ZFYVE21: variants seen among roughly 807,000 people sequenced by gnomAD.
ZFYVE21 encodes zinc finger FYVE domain-containing protein 21.
A neutral mutation model predicts 29.5 loss-of-function variants in ZFYVE21; 21 were observed. The observed-to-expected ratio is 0.71, with a 90% CI of 0.50 to 1.02. The LOEUF (loss-of-function observed/expected upper bound fraction) is 1.02. ZFYVE21 is among the 50% of genes least tolerant of loss of function. The probability of loss-of-function intolerance (pLI) is 0.00; values close to 1 mark genes in which losing one functional copy is unlikely to be tolerated. For synonymous variants in ZFYVE21, 151 were observed against 133.8 expected (o/e 1.13, Z -0.89); for missense variants, 326 against 335.4 (o/e 0.97, Z 0.22).
Position 103,733,113 on chromosome 14 carries a change from C to G in ZFYVE21, c.*95C>G. Reference sequence around the variant, plus strand: ...CTCCTTGCGTACCACAGGGATTAATCCTGCTTGTGCTGGGAAATGCAACTC... The same window carrying G: ...CTCCTTGCGTACCACAGGGATTAATGCTGCTTGTGCTGGGAAATGCAACTC... On this transcript the variant is annotated 3_prime_UTR_variant, in exon 7 of 7. Transcript: ENST00000311141. The G allele has an allele frequency of 6.5e-7, 1 of 1,530,178 alleles. No homozygotes were observed. Among genetic ancestry groups the G allele is most frequent in the Non-Finnish European group, 9.0e-7 (1 of 1,109,616 alleles). 94.8% of individuals were successfully genotyped at this position (1,530,178 alleles called of 1,614,324 possible).
chr14:103,715,823 G>C lies in ZFYVE21; in HGVS notation c.-19G>C. ...GGGGCCGGGTGCGGGGCCGCTGGCC[G>C]AGAGGCTGAGGCGGCGTCATGTCCT... is the stretch of plus-strand genomic sequence containing the variant. On this transcript the variant is annotated 5_prime_UTR_variant, in exon 1 of 7. Coordinates refer to ENST00000311141, the MANE Select transcript of ZFYVE21 (RefSeq NM_024071.4). 7.3e-7 allele frequency: 1 copy of C among 1,367,952 alleles called. No homozygotes were observed. 84.7% of individuals were successfully genotyped at this position (1,367,952 alleles called of 1,614,324 possible).
At chr14:103,726,666 T>A (rs1275915397) in intron 1 of ZFYVE21, 126 bp from the exon 2 acceptor site, 3 of 1,208,218 alleles carry the variant, frequency 2.5e-6, no homozygotes, top group Non-Finnish European at 3.6e-6. Flanking sequence ...CAACCCTGCC[T>A]GCCTCAGGCT....
chr14:103,725,747 G>C (rs900732193), intron 1 of ZFYVE21: 5 of 152,288 alleles, frequency 3.3e-5, no homozygotes, highest in Admixed American at 1.3e-4. Flanking sequence ...GTCAAGTGAA[G>C]CAGTGGAAAT....
In ZFYVE21 at chr14:103,733,583, T is replaced by C. The variant is rs560054899; in HGVS notation, c.*565T>C. ...CGTGGGGGCTTTGTGTTTTGTACTT[T>C]TCACTCACTATTTCACTTTATTAAG... is the stretch of plus-strand genomic sequence containing the variant. On this transcript the variant is annotated 3_prime_UTR_variant, in exon 7 of 7. Transcript: ENST00000311141. The C allele has an allele frequency of 6.5e-6, 1 of 153,382 alleles. No individual in the cohort carries two copies. Among genetic ancestry groups the C allele is most frequent in the Admixed American group, 6.5e-5 (1 of 15,400 alleles). 9.5% of individuals were successfully genotyped at this position (153,382 alleles called of 1,614,324 possible).
At position 103,732,631 on chromosome 14, in the gene ZFYVE21, C is replaced by CG. The variant is rs2083993583; in HGVS notation, c.541dup (p.Ala181GlyfsTer50). 6.3e-7 allele frequency: 1 copy of CG among 1,576,338 alleles called. No homozygotes were observed. The highest frequency in any genetic ancestry group is 1.4e-5 in the African/African-American group (1 of 73,008). On this transcript the variant is annotated frameshift_variant, in exon 6 of 7. Transcript: ENST00000311141. LOFTEE classifies it high-confidence loss of function. ...TCTCTCTCCTCCAGGAGGCAACGCACGGGCCACAGGCATGTTCCTGCAGTA... is the reference window on the plus strand; with the variant it reads ...TCTCTCTCCTCCAGGAGGCAACGCACGGGGCCACAGGCATGTTCCTGCAGTA...
intron 2 of ZFYVE21, 111 bp downstream of exon 2, chr14:103,726,953 T>TTTTTTTGTTTG (rs2083932120): frequency 8.1e-7 from 1 of 1,228,080 alleles, no homozygotes; most frequent in South Asian, 1.3e-5. Flanking sequence ...GGCTCGTTTT[T>TTTTTTTGTTTG]TTTTTTTTTG....
intron 2 of ZFYVE21, chr14:103,727,542 A>G (rs2151952408): frequency 1.4e-6 from 1 of 715,660 alleles, no homozygotes; most frequent in South Asian, 1.5e-5. Flanking sequence ...TTTTGAAAAA[A>G]GGGCCTCATT....
At chr14:103,728,849 G>T in intron 3 of ZFYVE21, 59 bp from the exon 4 acceptor site, 1 of 1,557,374 alleles carries the variant, frequency 6.4e-7, no homozygotes, top group South Asian at 1.1e-5. Context: ...GTACTCGTGG[G>T]AAGGGTTAGG....
chr14:103,733,283 G>GCTAAA lies in ZFYVE21; in HGVS notation c.*269_*273dup. 4.4e-6 allele frequency: 2 copies of GCTAAA among 458,820 alleles called. No individual in the cohort carries two copies. Among genetic ancestry groups the GCTAAA allele is most frequent in the East Asian group, 3.8e-5 (1 of 26,056 alleles). The allele number at this position is 458,820 out of a possible 1,614,324, so 28.4% of individuals were successfully genotyped here. On this transcript the variant is annotated 3_prime_UTR_variant, in exon 7 of 7. Coordinates refer to ENST00000311141, the MANE Select transcript of ZFYVE21 (RefSeq NM_024071.4). ...GTGGGAGAGACTGAGCTACACTACT[G>GCTAAA]CTAAACTATTTTTAGCATAATATAT...
chr14:103,728,008 T>C (rs923469684), intron 3 of ZFYVE21, 94 bp downstream of exon 3: 18 of 1,298,702 alleles, frequency 1.4e-5, no homozygotes, highest in African/African-American at 3.0e-5. Context: ...GGCGTTCTGC[T>C]TCTCTGACGT....
intron 1 of ZFYVE21, among the ~76,000 whole-genome samples, chr14:103,721,613 T>C (rs1028768400): frequency 6.6e-6 from 1 of 152,222 alleles, no homozygotes; most frequent in Non-Finnish European, 1.5e-5. Context: ...CGGGTTTATC[T>C]GCTTGGCTTG....
At chr14:103,728,525 G>A (rs904395333) in intron 3 of ZFYVE21, among the ~76,000 whole-genome samples, 24 of 152,202 alleles carry the variant, frequency 1.6e-4, no homozygotes, top group African/African-American at 5.6e-4. Context: ...CTGGCTGGAC[G>A]GTGGGCTTTG....
intron 1 of ZFYVE21, chr14:103,725,298 C>G (rs906220120): frequency 2.6e-5 from 4 of 152,362 alleles, no homozygotes; most frequent in Middle Eastern, 3.2e-3. Context: ...ACGGTGACTT[C>G]GTCCCTTGGT....
chr14:103,728,217 G>A (rs1243773698), intron 3 of ZFYVE21: 2 of 322,180 alleles, frequency 6.2e-6, no homozygotes, highest in Non-Finnish European at 1.2e-5. Context: ...CGGCGCCGGC[G>A]CTCGGGCGTT....
Position 103,716,001 on chromosome 14 carries a change from C to T in ZFYVE21, c.138+22C>T. 8.2e-7 allele frequency: 1 copy of T among 1,226,390 alleles called. No homozygotes were observed. The highest frequency in any genetic ancestry group is 4.2e-5 in the Admixed American group (1 of 23,896). 76.0% of individuals were successfully genotyped at this position (1,226,390 alleles called of 1,614,324 possible). A position where few individuals can be genotyped will look rare whatever the true frequency, so the allele number is the denominator to read the frequency against. ...GGAGGTGGGTGGCCGTCGCCCCGGC[C>T]AGCGCCTCCGACCCGCCCCGCCGCC... On this transcript the variant is annotated intron_variant, in intron 1 of 6. Coordinates refer to ENST00000311141, the MANE Select transcript of ZFYVE21 (RefSeq NM_024071.4). The surrounding 1 kb of genome is among the most constrained non-coding windows in gnomAD (Gnocchi z 4.8).
intron 1 of ZFYVE21, among the ~76,000 whole-genome samples, chr14:103,721,971 G>C (rs1209397532): frequency 6.6e-6 from 1 of 152,196 alleles, no homozygotes; most frequent in East Asian, 1.9e-4. Context: ...AATCACACTT[G>C]GTTTCTGGGC....
chr14:103,727,924 G>T lies in ZFYVE21; in HGVS notation c.358+10G>T. On this transcript the variant is annotated intron_variant, in intron 3 of 6. Transcript: ENST00000311141. Reference sequence around the variant, plus strand: ...AAAGTGCTCCTGAGCGGTAAGGACGGGTGTCCTGCACAGTCCCGCGCGCTC... The same window carrying T: ...AAAGTGCTCCTGAGCGGTAAGGACGTGTGTCCTGCACAGTCCCGCGCGCTC... The T allele has an allele frequency of 1.2e-6, 2 of 1,609,004 alleles. No homozygotes were observed. Among genetic ancestry groups the T allele is most frequent in the Non-Finnish European group, 1.7e-6 (2 of 1,177,076 alleles).
At chr14:103,723,776 A>C (rs2083893929) in intron 1 of ZFYVE21, among the ~76,000 whole-genome samples, 1 of 152,226 alleles carries the variant, frequency 6.6e-6, no homozygotes, top group Non-Finnish European at 1.5e-5. Context: ...TGTTTTGCCA[A>C]CTAAGCACAG....
intron 5 of ZFYVE21, 30 bp from the exon 6 acceptor site, chr14:103,732,590 G>C: frequency 2.6e-6 from 4 of 1,532,176 alleles, no homozygotes; most frequent in Non-Finnish European, 3.5e-6. Context: ...GGCCTCCTTT[G>C]GGCCGTCTTA....
Sources: gnomAD v4.1 joint callset for allele counts (sites outside exome capture counted in the v4.1 genomes callset) on GRCh38, gnomAD v4.1.1 for gene constraint, Gnocchi (gnomAD v3.1) non-coding constraint, MANE v1.5 for transcripts, NCBI Gene and HGNC (gene_info 2026-07-23, HGNC 2026-07-21) for gene names.